The following INSR variants were observed in gnomAD, a reference collection of about 807,000 sequenced individuals.
The protein encoded by INSR is insulin receptor, also known as IR.
A neutral mutation model predicts 142.6 loss-of-function variants in INSR; 67 were observed. The ratio of observed to expected loss-of-function variants is 0.47; its 90% CI spans 0.39 to 0.58. The LOEUF is 0.58. Among genes scored for constraint, INSR ranks in the 20% least tolerant of loss-of-function variants. The pLI, the probability that INSR is intolerant of heterozygous loss-of-function variation, is 0.00. For missense variants in INSR, 1,248 were observed against 1,833.2 expected (o/e 0.68, Z 5.83); for synonymous variants, 756 against 743.1 (o/e 1.02, Z -0.28).
chr19:7,290,994 T>C (rs1042489778), intron 1 of INSR, among the ~76,000 whole-genome samples: 4 of 151,432 alleles, frequency 2.6e-5, no homozygotes, highest in African/African-American at 9.7e-5. Context: ...CCCTTGAACC[T>C]GGGAGGTGGA....
intron 2 of INSR, among the ~76,000 whole-genome samples, chr19:7,256,966 G>A (rs533686265): frequency 2.4e-4 from 30 of 127,016 alleles, no homozygotes; most frequent in Non-Finnish European, 3.5e-4. Flanking sequence ...TTTTTGAGAT[G>A]GAGTCTCGCT....
rs143047125 is a variant in INSR at position 7,251,012 on chromosome 19, T to G, written c.652+16333A>C. The stretch of plus-strand genomic sequence containing the variant: ...GGGAGAACCTGTGGACCAGGCTTTC[T>G]GCCCCTCAGCACTATTGACATTTGG... On this transcript the variant is annotated intron_variant, in intron 2 of 21. Transcript: ENST00000302850. 1.4e-3 allele frequency among the ~76,000 whole-genome samples: 219 copies of G among 152,170 alleles called. 6 individuals carry two copies. Among genetic ancestry groups the G allele is most frequent in the African/African-American group, 5.2e-3 (216 of 41,452 alleles).
In INSR at chr19:7,150,458, C is replaced by T; in HGVS notation, c.2267+39G>A. ...TCTGCCTGGCACGCCGCCGGCCCTG[C>T]GCGGAGCAGGCACCAGGGGTCGCAC... On this transcript the variant is annotated intron_variant, in intron 11 of 21. Transcript: ENST00000302850. This position sits in a 1 kb window ranked among gnomAD's most constrained non-coding sequence, Gnocchi z 4.2. 1 of 1,605,998 alleles carries T rather than the reference C, an allele frequency of 6.2e-7. No individual in the cohort carries two copies. Among genetic ancestry groups the T allele is most frequent in the Non-Finnish European group, 8.5e-7 (1 of 1,172,968 alleles).
chr19:7,185,580 C>G (rs11670972), intron 2 of INSR, among the ~76,000 whole-genome samples: 1 of 151,868 alleles, frequency 6.6e-6, no homozygotes, highest in South Asian at 2.1e-4. Context: ...TGGTGGCTCA[C>G]GCCTGTAATC....
chr19:7,173,369 A>T lies in INSR; in HGVS notation c.1124-935T>A, dbSNP rs138425545. ...AGTCTTGGTCTATGGCCCAGGCTGG[A>T]GTGCAGTGGTGTGATCTCGGCTCAC... On this transcript the variant is annotated intron_variant, in intron 4 of 21. Coordinates refer to ENST00000302850, the MANE Select transcript of INSR (RefSeq NM_000208.4). 5.3e-3 allele frequency among the ~76,000 whole-genome samples: 801 copies of T among 152,090 alleles called. 6 individuals are homozygous for T. Among genetic ancestry groups the T allele is most frequent in the Middle Eastern group, 0.01 (3 of 294 alleles).
intron 2 of INSR, among the ~76,000 whole-genome samples, chr19:7,239,299 C>CG (rs1054693924): frequency 7.8e-4 from 118 of 151,846 alleles, no homozygotes; most frequent in Middle Eastern, 3.4e-3. Flanking sequence ...GCCCAGCCCC[C>CG]CCACCCCAAA....
chr19:7,290,794 A>C (rs1010090661), intron 1 of INSR, among the ~76,000 whole-genome samples: 2 of 148,866 alleles, frequency 1.3e-5, no homozygotes, highest in African/African-American at 5.0e-5. Context: ...AAAAAAGGCC[A>C]GGTACGGTGG....
At chr19:7,160,951 A>G (rs1160656188) in intron 9 of INSR, among the ~76,000 whole-genome samples, 1 of 148,936 alleles carries the variant, frequency 6.7e-6, no homozygotes, top group Admixed American at 6.7e-5. Context: ...AGCCAAGATC[A>G]AGCCACTGCA....
At chr19:7,244,268 C>G (rs1487866105) in intron 2 of INSR, among the ~76,000 whole-genome samples, 1 of 152,202 alleles carries the variant, frequency 6.6e-6, no homozygotes, top group Non-Finnish European at 1.5e-5. Flanking sequence ...CGCAGTGGCT[C>G]ATGCCTGTCA....
chr19:7,266,217 G>A (rs1007458600), intron 2 of INSR, among the ~76,000 whole-genome samples: 1 of 152,052 alleles, frequency 6.6e-6, no homozygotes, highest in Non-Finnish European at 1.5e-5. Context: ...AAAGCTAGGA[G>A]GAGTGGCCGT....
intron 11 of INSR, among the ~76,000 whole-genome samples, chr19:7,143,645 T>C (rs1398826779): frequency 1.3e-5 from 2 of 152,206 alleles, no homozygotes; most frequent in African/African-American, 4.8e-5. Context: ...TCAGGAAGAT[T>C]AACTCCAAGA....
chr19:7,142,321 C>T (rs1277922095), intron 12 of INSR, among the ~76,000 whole-genome samples: 3 of 132,614 alleles, frequency 2.3e-5, no homozygotes, highest in East Asian at 2.3e-4. Context: ...ACCAGGGAGG[C>T]GGAGATTGCA....
intron 2 of INSR, among the ~76,000 whole-genome samples, chr19:7,218,531 TTC>T (rs1043176756): frequency 5.3e-5 from 8 of 151,830 alleles, no homozygotes; most frequent in Non-Finnish European, 1.0e-4. Flanking sequence ...TGTTGTTTTT[TTC>T]TGTTTGTTTG....
chr19:7,157,424 A>ATTT (rs56136465), intron 9 of INSR, among the ~76,000 whole-genome samples: 29,830 of 115,006 alleles, frequency 0.26, 6,265 homozygotes, highest in Non-Finnish European at 0.28. Flanking sequence ...CGATTTTTGT[A>ATTT]TTTTTTTTTT....
intron 2 of INSR, among the ~76,000 whole-genome samples, chr19:7,240,021 C>T (rs530374932): frequency 6.6e-6 from 1 of 152,080 alleles, no homozygotes; most frequent in Non-Finnish European, 1.5e-5. Context: ...TGCAAGCTCT[C>T]GCGGAGTATT....
At chr19:7,163,497 T>C (rs1973811521) in intron 8 of INSR, among the ~76,000 whole-genome samples, 1 of 151,308 alleles carries the variant, frequency 6.6e-6, no homozygotes, top group East Asian at 2.0e-4. Flanking sequence ...GAGGCGGAGC[T>C]TGCAGTGAGC....
At chr19:7,285,052 T>G (rs1968310893) in intron 1 of INSR, among the ~76,000 whole-genome samples, 1 of 152,094 alleles carries the variant, frequency 6.6e-6, no homozygotes, top group Admixed American at 6.6e-5. Flanking sequence ...CAGTGGCTCA[T>G]GCCTGTAATC....
intron 3 of INSR, among the ~76,000 whole-genome samples, chr19:7,178,881 G>A (rs893654761): frequency 6.6e-6 from 1 of 152,184 alleles, no homozygotes; most frequent in Non-Finnish European, 1.5e-5. Context: ...TGCCGTATGT[G>A]TATCCTTTAT....
At chr19:7,258,077 C>T (rs992415059) in intron 2 of INSR, among the ~76,000 whole-genome samples, 1 of 152,132 alleles carries the variant, frequency 6.6e-6, no homozygotes, top group South Asian at 2.1e-4. Context: ...CTGCCCGCTT[C>T]GGCCTCCCAA....
Sources: allele counts gnomAD v4.1 joint callset (sites outside exome capture counted in the v4.1 genomes callset), GRCh38; gene constraint gnomAD v4.1.1; non-coding constraint Gnocchi (gnomAD v3.1); transcripts MANE v1.5; gene names NCBI Gene and HGNC (gene_info 2026-07-23, HGNC 2026-07-21).